The following NEO1 variants were observed in gnomAD, a reference collection of about 807,000 sequenced individuals.
NEO1 encodes neogenin 1, also known as neogenin.
In NEO1, 63 loss-of-function variants were observed where a neutral mutation model predicts 159.7. The ratio of observed to expected loss-of-function variants is 0.39; its 90% confidence interval spans 0.32 to 0.49. The LOEUF is 0.49. NEO1 is among the 20% of genes least tolerant of loss of function. The pLI is 0.85. For missense variants in NEO1, 1,615 were observed against 1,831.0 expected (o/e 0.88, Z 2.15); for synonymous variants, 633 against 662.0 (o/e 0.96, Z 0.67).
At chr15:73,137,869 G>A (rs1005209370) in intron 5 of NEO1, among the ~76,000 whole-genome samples, 1 of 152,154 alleles carries the variant, frequency 6.6e-6, no homozygotes, top group Non-Finnish European at 1.5e-5. Context: ...TGAGAATGCA[G>A]CATTATATGA....
At chr15:73,066,037 T>C (rs533804149) in intron 1 of NEO1, among the ~76,000 whole-genome samples, 3 of 147,390 alleles carry the variant, frequency 2.0e-5, no homozygotes, top group African/African-American at 7.5e-5. Context: ...TTTCTTTTCT[T>C]TTTTTTTTTT....
intron 21 of NEO1, among the ~76,000 whole-genome samples, chr15:73,275,967 A>T (rs1361273255): frequency 6.6e-6 from 1 of 152,240 alleles, no homozygotes; most frequent in African/African-American, 2.4e-5. Flanking sequence ...TGAGGTATCA[A>T]GTTTTCCAGA....
chr15:73,216,730 T>C (rs567834034), intron 7 of NEO1, among the ~76,000 whole-genome samples: 125 of 152,328 alleles, frequency 8.2e-4, no homozygotes, highest in African/African-American at 2.9e-3. Context: ...ATAAATGTCT[T>C]CTTTTGAGAA....
At chr15:73,243,447 T>C (rs1175706598) in intron 8 of NEO1, among the ~76,000 whole-genome samples, 1 of 152,250 alleles carries the variant, frequency 6.6e-6, no homozygotes, top group African/African-American at 2.4e-5. Context: ...CAGGTATAGC[T>C]GTTTCCTCAC....
Position 73,111,631 on chromosome 15 carries a change from T to C in NEO1, c.131-4909T>C, listed in dbSNP as rs75506639. On this transcript the variant is annotated intron_variant, in intron 1 of 28. Coordinates refer to ENST00000261908, the MANE Select transcript of NEO1 (RefSeq NM_002499.4). ...ATTTATTTAGAGACAAGGTTTTCTT[T>C]GGTCATCCAGACTAGGTCTCCCTCA... Among the ~76,000 whole-genome samples, 1,318 of 152,244 alleles carry C rather than the reference T, an allele frequency of 8.7e-3. 23 individuals carry two copies. The highest frequency in any genetic ancestry group is 0.03 in the African/African-American group (1,242 of 41,532).
intron 22 of NEO1, among the ~76,000 whole-genome samples, chr15:73,279,353 T>TTTG (rs1257224512): frequency 3.7e-5 from 5 of 136,426 alleles, no homozygotes; most frequent in African/African-American, 5.1e-5. Context: ...TGGTTTTGGT[T>TTTG]TTTTTTTTTT....
intron 4 of NEO1, among the ~76,000 whole-genome samples, chr15:73,130,314 C>CG (rs891443987): frequency 3.3e-5 from 5 of 149,524 alleles, no homozygotes; most frequent in African/African-American, 4.9e-5. Flanking sequence ...TCCCGCCCCC[C>CG]CCGCCGCATA....
At chr15:73,215,049 G>A (rs778277641) in intron 7 of NEO1, among the ~76,000 whole-genome samples, 7 of 152,062 alleles carry the variant, frequency 4.6e-5, no homozygotes, top group Non-Finnish European at 8.8e-5. Context: ...ATTATAAAAG[G>A]GGTTGAGTTC....
At chr15:73,157,862 T>TA (rs1370662541) in intron 5 of NEO1, among the ~76,000 whole-genome samples, 1 of 150,460 alleles carries the variant, frequency 6.6e-6, no homozygotes, top group African/African-American at 2.4e-5. Context: ...TCAATACTAA[T>TA]ACTGTTTCCC....
intron 1 of NEO1, among the ~76,000 whole-genome samples, chr15:73,074,759 C>T (rs906173722): frequency 1.3e-5 from 2 of 152,094 alleles, no homozygotes; most frequent in African/African-American, 4.8e-5. Context: ...CAGTCTTACC[C>T]CAGGAGTCCC....
At chr15:73,255,322 G>C (rs1328286020) in intron 13 of NEO1, 1 of 152,618 alleles carries the variant, frequency 6.6e-6, no homozygotes, top group Non-Finnish European at 1.5e-5. Context: ...ATACTATCAG[G>C]CAAAGCTCCT....
At chr15:73,140,125 A>G (rs1202496317) in intron 5 of NEO1, among the ~76,000 whole-genome samples, 3 of 152,276 alleles carry the variant, frequency 2.0e-5, no homozygotes, top group Non-Finnish European at 2.9e-5. Flanking sequence ...GTATTCCACT[A>G]TAATGGCTAA....
chr15:73,098,900 A>G (rs575980552), intron 1 of NEO1, among the ~76,000 whole-genome samples: 2 of 152,292 alleles, frequency 1.3e-5, no homozygotes, highest in South Asian at 4.1e-4. Flanking sequence ...CCTACAGAGT[A>G]TGTCATCAAA....
At chr15:73,222,091 ATTTTTTTTTTTT>A (rs71137336) in intron 7 of NEO1, 1,400 of 53,084 alleles carry the variant, frequency 0.026, 24 homozygotes, top group Non-Finnish European at 0.039. Flanking sequence ...CCTGTTGGTA[ATTTTTTTTTTTT>A]TTTTTTTTTT....
At position 73,292,713 on chromosome 15, in the gene NEO1, C is replaced by G. The variant is rs58986559; in HGVS notation, c.3743-677C>G. The stretch of plus-strand genomic sequence containing the variant: ...TTCTCTTACATGCAGATGGGTATGT[C>G]TGAGTCCCCAGACTGGAAGCAGTAA... On this transcript the variant is annotated intron_variant, in intron 25 of 28. Coordinates refer to ENST00000261908, the MANE Select transcript of NEO1 (RefSeq NM_002499.4). Among the ~76,000 whole-genome samples, 94 of 152,326 alleles carry G rather than the reference C, an allele frequency of 6.2e-4. No individual in the cohort carries two copies. In the East Asian group the frequency reaches 0.018, roughly 28 times the overall value.
chr15:73,266,907 T>C (rs1412306679), intron 16 of NEO1, among the ~76,000 whole-genome samples: 1 of 152,222 alleles, frequency 6.6e-6, no homozygotes, highest in South Asian at 2.1e-4. Context: ...TGATCAGTTA[T>C]ACATTTATTA....
At chr15:73,240,126 C>G (rs532934169) in intron 8 of NEO1, among the ~76,000 whole-genome samples, 1 of 152,164 alleles carries the variant, frequency 6.6e-6, no homozygotes, top group Non-Finnish European at 1.5e-5. Context: ...TGGAGACTGT[C>G]TGGTGAGATA....
At chr15:73,060,003 A>G (rs1318202832) in intron 1 of NEO1, among the ~76,000 whole-genome samples, 1 of 152,078 alleles carries the variant, frequency 6.6e-6, no homozygotes, top group East Asian at 1.9e-4. Flanking sequence ...GTGGAAATTG[A>G]AAACAGAATG....
intron 7 of NEO1, among the ~76,000 whole-genome samples, chr15:73,194,792 T>G (rs1018555450): frequency 1.3e-5 from 2 of 152,214 alleles, no homozygotes; most frequent in Non-Finnish European, 2.9e-5. Context: ...AGATTTATGA[T>G]TTATTGGATA....
Sources: gnomAD v4.1 joint callset for allele counts (sites outside exome capture counted in the v4.1 genomes callset) on GRCh38, gnomAD v4.1.1 for gene constraint, MANE v1.5 for transcripts, NCBI Gene and HGNC (gene_info 2026-07-23, HGNC 2026-07-21) for gene names.